Variants in COPB2 observed in about 807,000 individuals in gnomAD.
COPB2 encodes the protein coat protein complex I subunit beta 2, also known as coatomer subunit beta'.
Under a neutral mutation model 120.8 loss-of-function variants are expected in COPB2, and 16 were observed. The ratio of observed to expected loss-of-function variants is 0.13; its 90% CI spans 0.09 to 0.20. COPB2 has a LOEUF of 0.20. COPB2 is among the 10% of genes least tolerant of loss of function. The probability of loss-of-function intolerance (pLI) is 1.00; values close to 1 mark genes in which losing one functional copy is unlikely to be tolerated. For missense variants in COPB2, 794 were observed against 1,076.5 expected (o/e 0.74, Z 3.67); for synonymous variants, 332 against 366.3 (o/e 0.91, Z 1.07).
intron 1 of COPB2, among the ~76,000 whole-genome samples, chr3:139,385,840 G>A (rs1576380915): frequency 1.3e-5 from 2 of 152,050 alleles, no homozygotes; most frequent in East Asian, 3.9e-4. Flanking sequence ...TTCTCTCTAG[G>A]AGGCATGCTG....
At chr3:139,358,351 A>T (rs538013600) in intron 20 of COPB2, 80 bp from the exon 21 acceptor site, 1 of 1,279,692 alleles carries the variant, frequency 7.8e-7, no homozygotes, top group Admixed American at 1.8e-5. Flanking sequence ...GAAAAGGATG[A>T]TCAGAATTAG....
chr3:139,358,094 G>T, intron 21 of COPB2, 106 bp downstream of exon 21: 1 of 1,117,642 alleles, frequency 8.9e-7, no homozygotes, highest in Non-Finnish European at 1.3e-6. Context: ...CAAAGCCCCT[G>T]CTCTGAAACT....
At position 139,357,637 on chromosome 3, in the gene COPB2, A is replaced by G. The variant is rs1035645282; in HGVS notation, c.*226T>C. On this transcript the variant is annotated 3_prime_UTR_variant, in exon 22 of 22. Coordinates refer to ENST00000333188, the MANE Select transcript of COPB2 (RefSeq NM_004766.3). ...GATATGGTCTAATAGTATGAAAAAA[A>G]TCAAAGCCCATGTCTGTTTTAGTTA... 21 of 377,322 alleles carry G rather than the reference A, an allele frequency of 5.6e-5. No individual in the cohort carries two copies. The Admixed American group carries it at 7.0e-4, about 13-fold the overall frequency. 23.4% of individuals were successfully genotyped at this position (377,322 alleles called of 1,614,324 possible).
intron 1 of COPB2, among the ~76,000 whole-genome samples, chr3:139,386,268 T>G (rs998501190): frequency 7.0e-6 from 1 of 143,298 alleles, no homozygotes; most frequent in East Asian, 7.1e-4. Flanking sequence ...TTCTTGTTTT[T>G]TTTTTTGAGA....
At chr3:139,388,619 A>G (rs577317357) in intron 1 of COPB2, among the ~76,000 whole-genome samples, 3 of 147,592 alleles carry the variant, frequency 2.0e-5, no homozygotes, top group South Asian at 2.1e-4. Flanking sequence ...TCTGTGCTTC[A>G]TAACAAGTTT....
At chr3:139,366,046 C>G (rs1413019310) in intron 15 of COPB2, among the ~76,000 whole-genome samples, 1 of 151,988 alleles carries the variant, frequency 6.6e-6, no homozygotes, top group Non-Finnish European at 1.5e-5. Context: ...TGCTATACCT[C>G]AAGTTATTTA....
intron 1 of COPB2, 28 bp from the exon 2 acceptor site, chr3:139,383,463 T>A (rs1285059488): frequency 6.0e-6 from 9 of 1,508,100 alleles, no homozygotes; most frequent in Non-Finnish European, 8.0e-6. Context: ...AAAAATTAAA[T>A]TGCTAAGCCA....
At chr3:139,374,663 T>C in intron 6 of COPB2, 75 bp from the exon 7 acceptor site, 1 of 1,129,366 alleles carries the variant, frequency 8.9e-7, no homozygotes, top group Non-Finnish European at 1.3e-6. Context: ...TTTCTCAGTG[T>C]ACAGATACAT....
At chr3:139,360,015 G>C (rs936624026) in intron 17 of COPB2, among the ~76,000 whole-genome samples, 2 of 152,048 alleles carry the variant, frequency 1.3e-5, no homozygotes, top group Non-Finnish European at 2.9e-5. Context: ...AAATACTAAA[G>C]CAGTTCAGCT....
rs1463112779 is a variant in COPB2 at position 139,368,127 on chromosome 3, T to C, written c.1545+18A>G. On this transcript the variant is annotated intron_variant, in intron 13 of 21. Transcript: ENST00000333188. ...TTAAAAACAAAGCTGAAAGCGAAAGTTGTGCTGATGCAATTACCTCAAAGG... is the reference window on the plus strand; with the variant it reads ...TTAAAAACAAAGCTGAAAGCGAAAGCTGTGCTGATGCAATTACCTCAAAGG... 1.9e-6 allele frequency: 3 copies of C among 1,601,878 alleles called. No homozygotes were observed. Among genetic ancestry groups the C allele is most frequent in the Admixed American group, 1.8e-5 (1 of 56,624 alleles).
chr3:139,365,733 A>G (rs544126142), intron 15 of COPB2, among the ~76,000 whole-genome samples: 4 of 152,328 alleles, frequency 2.6e-5, no homozygotes, highest in African/African-American at 9.6e-5. Flanking sequence ...AGAATTAACC[A>G]CAGGTACATA....
At chr3:139,366,157 CT>C (rs1344444037) in intron 15 of COPB2, among the ~76,000 whole-genome samples, 12 of 152,122 alleles carry the variant, frequency 7.9e-5, no homozygotes, top group Non-Finnish European at 1.0e-4. Context: ...CTTTGCAAAA[CT>C]TACTTTATGC....
chr3:139,359,252 A>G lies in COPB2; in HGVS notation c.2303+18T>C. On this transcript the variant is annotated intron_variant, in intron 18 of 21. Transcript: ENST00000333188. ...CTTTTTATTGGAAACATTTCTTCCT[A>G]AAATTAAAAGTCTGTACCTTGAAAC... 1.2e-6 allele frequency: 2 copies of G among 1,612,978 alleles called. No homozygotes were observed. The highest frequency in any genetic ancestry group is 1.7e-6 in the Non-Finnish European group (2 of 1,179,488).
At chr3:139,366,045 T>C (rs1474966321) in intron 15 of COPB2, among the ~76,000 whole-genome samples, 1 of 152,082 alleles carries the variant, frequency 6.6e-6, no homozygotes, top group East Asian at 1.9e-4. Context: ...CTGCTATACC[T>C]CAAGTTATTT....
intron 14 of COPB2, 53 bp from the exon 15 acceptor site, chr3:139,366,828 C>T: frequency 6.4e-7 from 1 of 1,569,280 alleles, no homozygotes; most frequent in Non-Finnish European, 8.7e-7. Flanking sequence ...ATTACACAAA[C>T]ACACACCCCG....
intron 1 of COPB2, among the ~76,000 whole-genome samples, chr3:139,386,217 T>C (rs1941917153): frequency 6.6e-6 from 1 of 152,106 alleles, no homozygotes; most frequent in South Asian, 2.1e-4. Flanking sequence ...TCAAAAATGT[T>C]TTCACTGTCA....
At chr3:139,365,063 A>C (rs573411908) in intron 15 of COPB2, among the ~76,000 whole-genome samples, 5 of 152,364 alleles carry the variant, frequency 3.3e-5, no homozygotes, top group African/African-American at 1.2e-4. Context: ...AGGACATACA[A>C]CATGAACAAT....
intron 1 of COPB2, among the ~76,000 whole-genome samples, chr3:139,384,585 C>G (rs576169201): frequency 6.6e-6 from 1 of 152,214 alleles, no homozygotes; most frequent in African/African-American, 2.4e-5. Flanking sequence ...AAAAACGCTA[C>G]AAGTGTTTCC....
chr3:139,376,390 T>A (rs1013284074), intron 5 of COPB2, among the ~76,000 whole-genome samples: 2 of 152,234 alleles, frequency 1.3e-5, no homozygotes, highest in Non-Finnish European at 2.9e-5. Flanking sequence ...CAAATATTTA[T>A]TGAGTGCCTA....
Sources: allele counts gnomAD v4.1 joint callset (sites outside exome capture counted in the v4.1 genomes callset), GRCh38; gene constraint gnomAD v4.1.1; transcripts MANE v1.5; gene names NCBI Gene and HGNC (gene_info 2026-07-23, HGNC 2026-07-21).